Variants in SCHIP1 observed in about 807,000 individuals in gnomAD.
SCHIP1 encodes the protein schwannomin interacting protein 1.
A neutral mutation model predicts 29.7 loss-of-function variants in SCHIP1; 8 were observed. That is an observed-to-expected ratio of 0.27 (90% CI 0.16 to 0.49). The LOEUF (loss-of-function observed/expected upper bound fraction) is 0.49. Ranked by LOEUF, SCHIP1 falls within the 20% of genes least tolerant of loss-of-function variation. The probability of loss-of-function intolerance (pLI) is 0.99; values close to 1 mark genes in which losing one functional copy is unlikely to be tolerated. For synonymous variants in SCHIP1, 76 were observed against 94.9 expected, an observed-to-expected ratio of 0.80 and a Z score of 1.16; for missense variants, 193 against 294.6, an observed-to-expected ratio of 0.66 and a Z score of 2.52.
chr3:159,620,752 G>C, the SCHIP1 span, among the ~76,000 whole-genome samples: 1 of 152,310 alleles, frequency 6.6e-6, no homozygotes, highest in African/African-American at 2.4e-5. Context: ...GCCTGTGTTT[G>C]GCTTGTTGGG....
chr3:159,639,166 G>A, the SCHIP1 span, among the ~76,000 whole-genome samples: 3 of 152,148 alleles, frequency 2.0e-5, no homozygotes, highest in Non-Finnish European at 2.9e-5. Flanking sequence ...TGAAGGCCAA[G>A]TTTAGCAGGC....
chr3:159,820,876 G>T, the SCHIP1 span, among the ~76,000 whole-genome samples: 1 of 152,202 alleles, frequency 6.6e-6, no homozygotes, highest in Non-Finnish European at 1.5e-5. Flanking sequence ...ATATTGTGTA[G>T]TGTTATACAA....
the SCHIP1 span, among the ~76,000 whole-genome samples, chr3:159,443,517 CCTT>C: frequency 6.6e-6 from 1 of 152,174 alleles, no homozygotes; most frequent in East Asian, 1.9e-4. Flanking sequence ...GAACTTATTC[CCTT>C]TTTTTTTGAG....
the SCHIP1 span, among the ~76,000 whole-genome samples, chr3:159,395,202 TTCTC>T: frequency 1.1e-3 from 160 of 152,320 alleles, 2 homozygotes; most frequent in South Asian, 0.024. Flanking sequence ...TATTTGATTC[TTCTC>T]TCTTTTTTTC....
the SCHIP1 span, among the ~76,000 whole-genome samples, chr3:159,652,752 A>C: frequency 6.6e-6 from 1 of 152,196 alleles, no homozygotes; most frequent in African/African-American, 2.4e-5. Context: ...GAGGCATTGG[A>C]GGCACAATGA....
At chr3:159,556,933 T>TA in the SCHIP1 span, among the ~76,000 whole-genome samples, 394 of 148,622 alleles carry the variant, frequency 2.7e-3, no homozygotes, top group African/African-American at 9.3e-3. Flanking sequence ...TAAAATAAAA[T>TA]AAAAAATAAA....
chr3:159,879,375 T>C (rs910713083), intron 2 of SCHIP1, among the ~76,000 whole-genome samples: 13 of 152,138 alleles, frequency 8.5e-5, no homozygotes, highest in Admixed American at 5.9e-4. Context: ...GTATCAGTGT[T>C]GTGATATTGT....
the SCHIP1 span, among the ~76,000 whole-genome samples, chr3:159,809,348 T>A: frequency 6.6e-6 from 1 of 152,184 alleles, no homozygotes; most frequent in African/African-American, 2.4e-5. Flanking sequence ...TAGTATTCCA[T>A]GGTGTGTATG....
the SCHIP1 span, among the ~76,000 whole-genome samples, chr3:159,739,190 C>T: frequency 2.0e-5 from 3 of 152,078 alleles, no homozygotes; most frequent in African/African-American, 7.2e-5. Flanking sequence ...CTCATATTGT[C>T]CTGGAAAAAA....
At chr3:159,617,884 C>A in the SCHIP1 span, among the ~76,000 whole-genome samples, 3 of 152,166 alleles carry the variant, frequency 2.0e-5, no homozygotes, top group Non-Finnish European at 4.4e-5. Context: ...GAAACTTGAC[C>A]TTCATCCCTA....
chr3:159,828,440 C>CGTATATATATACGTATATAT, the SCHIP1 span, among the ~76,000 whole-genome samples: 1 of 47,594 alleles, frequency 2.1e-5, no homozygotes, highest in Non-Finnish European at 3.8e-5. Context: ...CGTATATATA[C>CGTATATATATACGTATATAT]GTATATATAT....
the SCHIP1 span, among the ~76,000 whole-genome samples, chr3:159,565,776 A>C: frequency 6.6e-6 from 1 of 152,330 alleles, no homozygotes; most frequent in East Asian, 1.9e-4. Context: ...ACAAAGTAGA[A>C]TAGAAAGTCC....
the SCHIP1 span, among the ~76,000 whole-genome samples, chr3:159,615,473 T>C: frequency 2.6e-5 from 4 of 152,212 alleles, no homozygotes; most frequent in African/African-American, 9.6e-5. Flanking sequence ...GTTGAGCGTA[T>C]ACTAAGTCAA....
the SCHIP1 span, among the ~76,000 whole-genome samples, chr3:159,608,841 G>A: frequency 4.6e-5 from 7 of 152,254 alleles, 1 homozygote; most frequent in African/African-American, 1.4e-4. Context: ...TAAACAAGCC[G>A]ATTAATTACT....
At chr3:159,616,038 G>C in the SCHIP1 span, among the ~76,000 whole-genome samples, 2 of 152,146 alleles carry the variant, frequency 1.3e-5, no homozygotes, top group Admixed American at 1.3e-4. Flanking sequence ...ACCTAGAGTT[G>C]CTTCTCTTTT....
the SCHIP1 span, chr3:159,764,259 G>A: frequency 3.4e-6 from 2 of 593,986 alleles, no homozygotes; most frequent in Non-Finnish European, 2.8e-6. The surrounding 1 kb of genome is among the most constrained non-coding windows in gnomAD (Gnocchi z 6.1). Flanking sequence ...TTGTGCGAGA[G>A]GAAAGGCGGG....
At chr3:159,346,886 C>T in the SCHIP1 span, among the ~76,000 whole-genome samples, 2 of 152,190 alleles carry the variant, frequency 1.3e-5, no homozygotes, top group African/African-American at 2.4e-5. Flanking sequence ...ATATCAGTTT[C>T]AGGTTTGCAA....
intron 1 of SCHIP1, among the ~76,000 whole-genome samples, chr3:159,855,432 G>A (rs1237878153): frequency 6.6e-6 from 1 of 151,922 alleles, no homozygotes; most frequent in African/African-American, 2.4e-5. Context: ...TTCCTGTTTT[G>A]TTGGCTAAGT....
chr3:159,437,396 A>T, the SCHIP1 span, among the ~76,000 whole-genome samples: 1 of 152,012 alleles, frequency 6.6e-6, no homozygotes, highest in Non-Finnish European at 1.5e-5. Flanking sequence ...GACTCTCACA[A>T]CCAAGGATTT....
Sources: allele counts gnomAD v4.1 joint callset (sites outside exome capture counted in the v4.1 genomes callset), GRCh38; gene constraint gnomAD v4.1.1; non-coding constraint Gnocchi (gnomAD v3.1); transcripts MANE v1.5; gene names NCBI Gene and HGNC (gene_info 2026-07-23, HGNC 2026-07-21).